SLC35F1: variants seen among roughly 807,000 people sequenced by gnomAD.
The protein encoded by SLC35F1 is chromosome 6 open reading frame 169.
A neutral mutation model predicts 48.7 loss-of-function variants in SLC35F1; 14 were observed. The observed-to-expected ratio is 0.29, with a 90% CI of 0.19 to 0.45. The LOEUF is 0.45. Among genes scored for constraint, SLC35F1 ranks in the 20% least tolerant of loss-of-function variants. The pLI is 1.00. For missense variants in SLC35F1, 404 were observed against 500.0 expected (o/e 0.81, Z 1.83); for synonymous variants, 190 against 202.2 (o/e 0.94, Z 0.51).
intron 3 of SLC35F1, among the ~76,000 whole-genome samples, chr6:118,243,744 G>A (rs991415192): frequency 1.3e-5 from 2 of 152,130 alleles, no homozygotes; most frequent in African/African-American, 4.8e-5. Flanking sequence ...CAGAGAGAAA[G>A]CTTGCCTATT....
At position 118,085,487 on chromosome 6, in the gene SLC35F1, CTTTTTTT is replaced by C. The variant is rs59548308; in HGVS notation, c.174-68936_174-68930del. On this transcript the variant is annotated intron_variant, in intron 1 of 7. Transcript: ENST00000360388. ...TTTTCTCTTTTTTTTTCTTTCTTTC[CTTTTTTT>C]TTTTTTTTTTTTTTTTTTTTTGAGG... Among the ~76,000 whole-genome samples the C allele has an allele frequency of 9.2e-3, 524 of 56,896 alleles. 1 individual carries two copies. Among genetic ancestry groups the C allele is most frequent in the African/African-American group, 0.037 (495 of 13,506 alleles). 37.3% of individuals were successfully genotyped at this position (56,896 alleles called of 152,430 possible).
chr6:117,999,470 C>T (rs1334594750), intron 1 of SLC35F1: 5 of 1,547,598 alleles, frequency 3.2e-6, no homozygotes, highest in Non-Finnish European at 4.4e-6. Flanking sequence ...AACATGAGGA[C>T]AGAAGGACTG....
intron 1 of SLC35F1, among the ~76,000 whole-genome samples, chr6:118,054,853 T>G (rs887193790): frequency 6.6e-6 from 1 of 152,102 alleles, no homozygotes; most frequent in African/African-American, 2.4e-5. Context: ...CTCAGCTCAC[T>G]GCAACCTCCA....
At chr6:118,227,034 G>A (rs1441481510) in intron 2 of SLC35F1, among the ~76,000 whole-genome samples, 2 of 152,108 alleles carry the variant, frequency 1.3e-5, no homozygotes, top group Non-Finnish European at 2.9e-5. Context: ...GCACACCATG[G>A]GTGGAATAAC....
intron 1 of SLC35F1, among the ~76,000 whole-genome samples, chr6:118,065,297 A>G (rs1772596715): frequency 6.6e-6 from 1 of 152,202 alleles, no homozygotes; most frequent in Non-Finnish European, 1.5e-5. Flanking sequence ...AAGCTAAGAG[A>G]TACTTAAAGA....
intron 1 of SLC35F1, among the ~76,000 whole-genome samples, chr6:117,954,325 G>A (rs982943555): frequency 6.6e-6 from 1 of 151,580 alleles, no homozygotes; most frequent in Non-Finnish European, 1.5e-5. Context: ...GTGCAATCTC[G>A]GCTCCCTGCA....
rs570747036 is a variant in SLC35F1, at chr6:117,963,450, A to G, written c.173+55551A>G. Among the ~76,000 whole-genome samples the G allele has an allele frequency of 3.9e-5, 6 of 151,990 alleles. No homozygotes were observed. In the East Asian group the frequency reaches 7.7e-4, roughly 20 times the overall value. ...CATCACATATGCACAAAATGGTTAC[A>G]TGTGCGCATTCTAAGGGTAAAACTA... On this transcript the variant is annotated intron_variant, in intron 1 of 7. Coordinates refer to ENST00000360388, the MANE Select transcript of SLC35F1 (RefSeq NM_001029858.4).
At chr6:117,937,269 G>A (rs1203386470) in intron 1 of SLC35F1, among the ~76,000 whole-genome samples, 2 of 152,172 alleles carry the variant, frequency 1.3e-5, no homozygotes, top group Non-Finnish European at 2.9e-5. Context: ...TTCTGCTTGT[G>A]TACTCATACA....
At chr6:118,238,179 T>C (rs1309692850) in intron 3 of SLC35F1, among the ~76,000 whole-genome samples, 2 of 152,186 alleles carry the variant, frequency 1.3e-5, no homozygotes, top group Admixed American at 6.5e-5. Context: ...TTACTTGGAA[T>C]ATCCTTTTCG....
chr6:118,212,719 AAGG>A (rs1459302535), intron 2 of SLC35F1, among the ~76,000 whole-genome samples: 9 of 118,414 alleles, frequency 7.6e-5, no homozygotes, highest in African/African-American at 3.1e-4. Flanking sequence ...GAAAGGAAGG[AAGG>A]AAGGAAAGGA....
intron 1 of SLC35F1, among the ~76,000 whole-genome samples, chr6:118,004,416 G>A (rs1777146950): frequency 6.6e-6 from 1 of 152,002 alleles, no homozygotes; most frequent in Admixed American, 6.6e-5. Flanking sequence ...TTTGCTTATT[G>A]TCTGAAACTT....
intron 1 of SLC35F1, among the ~76,000 whole-genome samples, chr6:118,065,643 C>T (rs1315198660): frequency 6.6e-6 from 1 of 152,128 alleles, no homozygotes; most frequent in African/African-American, 2.4e-5. Context: ...AAAGATTGGA[C>T]TAGTTCCTTA....
chr6:117,986,667 C>T (rs186058015), intron 1 of SLC35F1, among the ~76,000 whole-genome samples: 5 of 152,268 alleles, frequency 3.3e-5, no homozygotes, highest in Admixed American at 2.0e-4. Flanking sequence ...CCTGATTTTC[C>T]GTCTCCACTA....
At chr6:118,282,437 G>A (rs1241245932) in intron 6 of SLC35F1, among the ~76,000 whole-genome samples, 2 of 151,958 alleles carry the variant, frequency 1.3e-5, no homozygotes, top group Non-Finnish European at 2.9e-5. Flanking sequence ...TTAAAAATAG[G>A]TTGAGAATAT....
Position 118,258,310 on chromosome 6 carries a change from A to C in SLC35F1, c.478-8685A>C, listed in dbSNP as rs1450676870. Among the ~76,000 whole-genome samples, 5 of 152,256 alleles carry C rather than the reference A, an allele frequency of 3.3e-5. No homozygotes were observed. The East Asian group carries it at 9.6e-4, about 29-fold the overall frequency. ...AAACCCTCTATCTTGTTTATCTGAC[A>C]TCAATATCACTGTGCTCTTTTCGAA... On this transcript the variant is annotated intron_variant, in intron 3 of 7. Coordinates refer to ENST00000360388, the MANE Select transcript of SLC35F1 (RefSeq NM_001029858.4).
chr6:117,992,519 C>T (rs1776932210), intron 1 of SLC35F1, among the ~76,000 whole-genome samples: 1 of 152,164 alleles, frequency 6.6e-6, no homozygotes, highest in South Asian at 2.1e-4. Context: ...TTCTTTGTCT[C>T]CTCAGCTAAG....
chr6:118,316,411 A>G lies in SLC35F1; in HGVS notation c.*2159A>G, dbSNP rs911888505. On this transcript the variant is annotated 3_prime_UTR_variant, in exon 8 of 8. Transcript: ENST00000360388. ...ACCAATTAAATACCTTTCTCTGAAT[A>G]TTTTGTCCATTCAGATCCGAAGACC... is the stretch of plus-strand genomic sequence containing the variant. 3.3e-5 allele frequency: 5 copies of G among 152,534 alleles called. No homozygotes were observed. Among genetic ancestry groups the G allele is most frequent in the Non-Finnish European group, 7.3e-5 (5 of 68,028 alleles). 9.4% of individuals were successfully genotyped at this position (152,534 alleles called of 1,614,324 possible). A position where few individuals can be genotyped will look rare whatever the true frequency, so the allele number is the denominator to read the frequency against.
chr6:118,205,462 G>A (rs1351273446), intron 2 of SLC35F1, among the ~76,000 whole-genome samples: 2 of 152,164 alleles, frequency 1.3e-5, no homozygotes, highest in Non-Finnish European at 2.9e-5. Context: ...TTACCACTTT[G>A]CACCCACTAG....
Position 117,954,763 on chromosome 6 carries a change from G to A in SLC35F1, c.173+46864G>A, listed in dbSNP as rs113672683. ...TGAAGGCTCATGATCCAGACTTTGCGTTCAGATGGTCTGATGGTGCCTAAT... is the reference window on the plus strand; with the variant it reads ...TGAAGGCTCATGATCCAGACTTTGCATTCAGATGGTCTGATGGTGCCTAAT... On this transcript the variant is annotated intron_variant, in intron 1 of 7. Transcript: ENST00000360388. Among the ~76,000 whole-genome samples the A allele has an allele frequency of 6.5e-3, 988 of 152,254 alleles. 9 individuals are homozygous for A. The highest frequency in any genetic ancestry group is 0.022 in the African/African-American group (913 of 41,536).
Sources: allele counts gnomAD v4.1 joint callset (sites outside exome capture counted in the v4.1 genomes callset), GRCh38; gene constraint gnomAD v4.1.1; transcripts MANE v1.5; gene names NCBI Gene and HGNC (gene_info 2026-07-23, HGNC 2026-07-21).